Variants in ARHGEF7 observed in about 807,000 individuals in gnomAD.
ARHGEF7 encodes PAK-interacting exchange factor beta.
Under a neutral mutation model 109.8 loss-of-function variants are expected in ARHGEF7, and 33 were observed. The observed-to-expected ratio is 0.30, with a 90% CI of 0.23 to 0.40. The LOEUF (loss-of-function observed/expected upper bound fraction) is 0.40, where lower values mean the gene tolerates loss of function less well. ARHGEF7 is among the 10% of genes least tolerant of loss of function. ARHGEF7 has a pLI of 1.00. For missense variants in ARHGEF7, 938 were observed against 1,098.5 expected, an observed-to-expected ratio of 0.85 and a Z score of 2.07; for synonymous variants, 458 against 424.6, an observed-to-expected ratio of 1.08 and a Z score of -0.97.
At chr13:111,183,895 G>A (rs770397919) in intron 2 of ARHGEF7, among the ~76,000 whole-genome samples, 8 of 152,130 alleles carry the variant, frequency 5.3e-5, no homozygotes, top group Non-Finnish European at 7.4e-5. Flanking sequence ...TCTCCACCAG[G>A]ACTTGTGGGG....
At chr13:111,146,162 G>A (rs1183691354) in intron 1 of ARHGEF7, among the ~76,000 whole-genome samples, 2 of 152,196 alleles carry the variant, frequency 1.3e-5, no homozygotes, top group Non-Finnish European at 2.9e-5. Flanking sequence ...TGATGGCAAA[G>A]ACCTGGGGTG....
intron 2 of ARHGEF7, among the ~76,000 whole-genome samples, chr13:111,204,679 C>T (rs2153465023): frequency 6.6e-6 from 1 of 152,272 alleles, no homozygotes; most frequent in South Asian, 2.1e-4. Context: ...TAGCCCTGGA[C>T]TGGAGGGGAT....
At chr13:111,241,246 G>A (rs900150912) in intron 6 of ARHGEF7, 1 of 1,536,220 alleles carries the variant, frequency 6.5e-7, no homozygotes, top group Non-Finnish European at 8.7e-7. Flanking sequence ...CCCAGCGTTG[G>A]TGGGATGGAG....
chr13:111,286,104 T>C (rs1477977144), intron 16 of ARHGEF7, 43 bp from the exon 17 acceptor site: 4 of 1,507,348 alleles, frequency 2.7e-6, no homozygotes, highest in Admixed American at 1.7e-5. Flanking sequence ...GTGAAAATGA[T>C]TGGCTTTAGA....
intron 1 of ARHGEF7, among the ~76,000 whole-genome samples, chr13:111,148,706 C>G (rs2075738796): frequency 6.6e-6 from 1 of 152,116 alleles, no homozygotes; most frequent in Non-Finnish European, 1.5e-5. Context: ...AACTTCCAGG[C>G]TATGTAACAA....
At chr13:111,254,656 A>G (rs56397583) in intron 8 of ARHGEF7, among the ~76,000 whole-genome samples, 1 of 99,524 alleles carries the variant, frequency 1.0e-5, no homozygotes, top group African/African-American at 4.2e-5. Flanking sequence ...GATTCGGGCT[A>G]AGGCGCTGAG....
At chr13:111,279,992 A>G (rs1311724354) in intron 13 of ARHGEF7, among the ~76,000 whole-genome samples, 1 of 152,164 alleles carries the variant, frequency 6.6e-6, no homozygotes, top group African/African-American at 2.4e-5. Context: ...CCTGGTGTCT[A>G]TGTTTAGTAG....
intron 2 of ARHGEF7, among the ~76,000 whole-genome samples, chr13:111,190,382 G>A (rs918639965): frequency 5.3e-5 from 8 of 152,082 alleles, no homozygotes; most frequent in East Asian, 1.9e-4. Context: ...TCCCTGACTG[G>A]TTAGTGTAAA....
intron 8 of ARHGEF7, among the ~76,000 whole-genome samples, chr13:111,249,070 C>T (rs376027586): frequency 1.8e-4 from 28 of 152,252 alleles, no homozygotes; most frequent in East Asian, 1.5e-3. Flanking sequence ...TCTGTTCTGC[C>T]GTCAGCCAGA....
intron 1 of ARHGEF7, among the ~76,000 whole-genome samples, chr13:111,125,892 A>G (rs1242418013): frequency 5.9e-5 from 9 of 152,224 alleles, no homozygotes. Context: ...TTAAGGAAGA[A>G]TGCTACAGTG....
At chr13:111,210,040 G>A in intron 4 of ARHGEF7, 38 bp downstream of exon 4, 1 of 1,613,466 alleles carries the variant, frequency 6.2e-7, no homozygotes, top group Non-Finnish European at 8.5e-7. Flanking sequence ...ATATGTTTGG[G>A]AAGGATATGA....
intron 2 of ARHGEF7, among the ~76,000 whole-genome samples, chr13:111,191,129 C>A (rs1387683101): frequency 1.3e-5 from 2 of 151,998 alleles, no homozygotes; most frequent in African/African-American, 2.4e-5. Flanking sequence ...CATTACAAAA[C>A]CTGGACTGTT....
intron 8 of ARHGEF7, among the ~76,000 whole-genome samples, chr13:111,256,525 A>C (rs547518733): frequency 5.9e-5 from 9 of 152,018 alleles, no homozygotes; most frequent in Non-Finnish European, 1.3e-4. Flanking sequence ...TCTGGATCAG[A>C]TCTTTCTTGA....
chr13:111,196,435 T>C (rs1171578001), intron 2 of ARHGEF7, among the ~76,000 whole-genome samples: 1 of 152,228 alleles, frequency 6.6e-6, no homozygotes, highest in Non-Finnish European at 1.5e-5. Context: ...GATCTAACAA[T>C]AGCATGACAT....
chr13:111,295,938 T>A (rs2093417626), intron 19 of ARHGEF7, among the ~76,000 whole-genome samples: 1 of 152,252 alleles, frequency 6.6e-6, no homozygotes, highest in Non-Finnish European at 1.5e-5. Context: ...TCTGATGAAC[T>A]TACCCTGTTT....
chr13:111,119,856 T>C (rs2067058718), intron 1 of ARHGEF7, among the ~76,000 whole-genome samples: 1 of 152,162 alleles, frequency 6.6e-6, no homozygotes, highest in African/African-American at 2.4e-5. Flanking sequence ...CTTAGGTCCT[T>C]TGGCCCTAAA....
rs2066666181 is a variant in ARHGEF7 at position 111,115,444 on chromosome 13, G to T, written c.-83G>T. ...GCCGCTCGATGGGCGAGGCGGCGGC[G>T]GCGGCGGCGGGGGCCGCGGGCCGGG... On this transcript the variant is annotated 5_prime_UTR_variant, in exon 1 of 22. Coordinates refer to ENST00000646102, the MANE Select transcript of ARHGEF7 (RefSeq NM_001354046.2). 1.0e-6 allele frequency: 1 copy of T among 970,510 alleles called. No individual in the cohort carries two copies. Among genetic ancestry groups the T allele is most frequent in the African/African-American group, 1.8e-5 (1 of 56,266 alleles). The allele number at this position is 970,510 out of a possible 1,614,324, so 60.1% of individuals were successfully genotyped here. A position where few individuals can be genotyped will look rare whatever the true frequency, so the allele number is the denominator to read the frequency against.
intron 2 of ARHGEF7, among the ~76,000 whole-genome samples, chr13:111,183,849 C>G (rs932683352): frequency 1.3e-5 from 2 of 152,162 alleles, no homozygotes; most frequent in Non-Finnish European, 2.9e-5. Flanking sequence ...TCATCTTAGA[C>G]TTCTCTCCTG....
chr13:111,117,392 C>A (rs556197756), intron 1 of ARHGEF7, among the ~76,000 whole-genome samples: 41 of 152,316 alleles, frequency 2.7e-4, no homozygotes, highest in Non-Finnish European at 3.5e-4. Context: ...AACAACTCAA[C>A]ATATTCTAAA....
Sources: allele counts gnomAD v4.1 joint callset (sites outside exome capture counted in the v4.1 genomes callset), GRCh38; gene constraint gnomAD v4.1.1; transcripts MANE v1.5; gene names NCBI Gene and HGNC (gene_info 2026-07-23, HGNC 2026-07-21).